CAMSAP1: variants seen among roughly 807,000 people sequenced by gnomAD.
The protein encoded by CAMSAP1 is calmodulin regulated spectrin associated protein 1, also known as calmodulin-regulated spectrin-associated protein 1.
Under a neutral mutation model 143.5 loss-of-function variants are expected in CAMSAP1, and 58 were observed. The ratio of observed to expected loss-of-function variants is 0.40; its 90% CI spans 0.33 to 0.50. The LOEUF (loss-of-function observed/expected upper bound fraction) is 0.50, where lower values mean the gene tolerates loss of function less well. Among genes scored for constraint, CAMSAP1 ranks in the 20% least tolerant of loss-of-function variants. The probability of loss-of-function intolerance (pLI) is 0.45; values close to 1 mark genes in which losing one functional copy is unlikely to be tolerated. For missense variants in CAMSAP1, 1,969 were observed against 2,115.7 expected (o/e 0.93, Z 1.36); for synonymous variants, 945 against 859.3 (o/e 1.10, Z -1.74).
rs924232620 is a variant in CAMSAP1 at position 135,809,358 on chromosome 9, C to T, written c.*1951G>A. 6.6e-6 allele frequency: 1 copy of T among 152,234 alleles called. No individual in the cohort carries two copies. Among genetic ancestry groups the T allele is most frequent in the East Asian group, 1.9e-4 (1 of 5,200 alleles). The allele number at this position is 152,234 out of a possible 1,614,324, so 9.4% of individuals were successfully genotyped here. On this transcript the variant is annotated 3_prime_UTR_variant, in exon 17 of 17. Coordinates refer to ENST00000389532, the MANE Select transcript of CAMSAP1 (RefSeq NM_015447.4). ...AGTTTCAGGATGTTCCACACACTGA[C>T]TCATTCCATGGAGAAAATCCAGAAT...
intron 3 of CAMSAP1, among the ~76,000 whole-genome samples, chr9:135,878,187 CAGG>C (rs1837815845): frequency 6.6e-6 from 1 of 152,194 alleles, no homozygotes; most frequent in Non-Finnish European, 1.5e-5. Flanking sequence ...GGACCCCGGC[CAGG>C]AGGAGACGGG....
intron 1 of CAMSAP1, among the ~76,000 whole-genome samples, chr9:135,886,406 A>C (rs1190627721): frequency 2.0e-5 from 3 of 152,072 alleles, no homozygotes; most frequent in Non-Finnish European, 4.4e-5. Context: ...GCAGGTGGAG[A>C]AGTTTCTTAG....
At position 135,822,773 on chromosome 9, in the gene CAMSAP1, C is replaced by T. The variant is rs773803824; in HGVS notation, c.1888G>A (p.Glu630Lys). The change falls in exon 11 of 17, where the codon GAG becomes AAG. Residue 630 changes from glutamate (E) to lysine (K), a missense_variant. By Grantham distance (56) the Glu-to-Lys change is moderately conservative. Transcript: ENST00000389532. The surrounding 1 kb of genome is among the most constrained non-coding windows in gnomAD (Gnocchi z 6.1). The stretch of plus-strand genomic sequence containing the variant: ...CTTCGTACCAAAGGCTGGGGGCCCT[C>T]GCTGGGCCTCCTAGACACGATGCTC... ...PRSIVSRRPS[E>K]GPQPLVRRKM... 6.8e-6 allele frequency: 11 copies of T among 1,613,670 alleles called. No individual in the cohort carries two copies. The highest frequency in any genetic ancestry group is 6.7e-5 in the East Asian group (3 of 44,860).
chr9:135,820,786 G>T lies in CAMSAP1; in HGVS notation c.3822+53C>A. On this transcript the variant is annotated intron_variant, in intron 11 of 16. Coordinates refer to ENST00000389532, the MANE Select transcript of CAMSAP1 (RefSeq NM_015447.4). This position sits in a 1 kb window ranked among gnomAD's most constrained non-coding sequence, Gnocchi z 4.4. ...TCTGTGTTCTCTAACTCACTATCAC[G>T]TGGGGTGGCAACACATCACGAGTGC... is the stretch of plus-strand genomic sequence containing the variant. 1 of 1,585,108 alleles carries T rather than the reference G, an allele frequency of 6.3e-7. No individual in the cohort carries two copies. Among genetic ancestry groups the T allele is most frequent in the East Asian group, 2.2e-5 (1 of 44,528 alleles).
At chr9:135,897,475 A>G (rs1277681139) in intron 1 of CAMSAP1, among the ~76,000 whole-genome samples, 3 of 152,200 alleles carry the variant, frequency 2.0e-5, no homozygotes, top group African/African-American at 7.2e-5. Flanking sequence ...TTACTGTACT[A>G]TACTCACACT....
intron 11 of CAMSAP1, among the ~76,000 whole-genome samples, 187 bp from the exon 12 acceptor site, chr9:135,819,333 G>A (rs1383291526): frequency 6.6e-6 from 1 of 152,150 alleles, no homozygotes; most frequent in African/African-American, 2.4e-5. Context: ...TTTCAAAGGC[G>A]CTCGGCATCA....
Position 135,822,650 on chromosome 9 carries a change from A to G in CAMSAP1, c.2011T>C (p.Ser671Pro), listed in dbSNP as rs1835520702. Residue 671 changes from serine (S) to proline (P), a missense_variant, in exon 11 of 17, where the codon TCA (serine) becomes CCA (proline). Ser to Pro is a moderately conservative substitution (Grantham distance 74). This residue lies in a region of CAMSAP1 where 1,390 missense variants were observed against 1,420.8 expected (regional missense o/e 0.98). Coordinates refer to ENST00000389532, the MANE Select transcript of CAMSAP1 (RefSeq NM_015447.4). This position sits in a 1 kb window ranked among gnomAD's most constrained non-coding sequence, Gnocchi z 6.1. ...CAGACCTCTCCTGCGGTTTCCACTG[A>G]CAGTGGTCCTGTCTCGGTGGGGTCG... ...GIDPTETGPLSVETAGEVCGG... is the reference protein window; with the variant it reads ...GIDPTETGPLPVETAGEVCGG... 6.2e-7 allele frequency: 1 copy of G among 1,608,352 alleles called. No homozygotes were observed. Among genetic ancestry groups the G allele is most frequent in the Non-Finnish European group, 8.5e-7 (1 of 1,176,808 alleles).
intron 4 of CAMSAP1, among the ~76,000 whole-genome samples, chr9:135,863,602 G>C (rs908295506): frequency 2.0e-5 from 3 of 152,184 alleles, no homozygotes; most frequent in African/African-American, 7.2e-5. Flanking sequence ...AGGTTGTTAT[G>C]TCAATAAGTA....
rs1835310835 is a variant in CAMSAP1, at chr9:135,818,188, G to A, written c.4169-109C>T. On this transcript the variant is annotated intron_variant, in intron 13 of 16. Transcript: ENST00000389532. The surrounding 1 kb of genome is among the most constrained non-coding windows in gnomAD (Gnocchi z 7.7). ...CGCCCTGCAGAGCTCGGCCACACAG[G>A]CCGCGTCCCCACCCCATCCCGGGGA... is the stretch of plus-strand genomic sequence containing the variant. The A allele has an allele frequency of 1.6e-6, 2 of 1,245,784 alleles. No homozygotes were observed. The highest frequency in any genetic ancestry group is 2.1e-5 in the Admixed American group (1 of 46,918). The allele number at this position is 1,245,784 out of a possible 1,614,324, so 77.2% of individuals were successfully genotyped here. A position where few individuals can be genotyped will look rare whatever the true frequency, so the allele number is the denominator to read the frequency against.
intron 7 of CAMSAP1, among the ~76,000 whole-genome samples, chr9:135,840,208 G>A (rs1489220285): frequency 6.6e-6 from 1 of 152,146 alleles, no homozygotes; most frequent in Non-Finnish European, 1.5e-5. Flanking sequence ...CCAACGGTTG[G>A]CAGTAGGACC....
chr9:135,860,048 A>T (rs993459297), intron 5 of CAMSAP1, among the ~76,000 whole-genome samples: 50 of 150,712 alleles, frequency 3.3e-4, no homozygotes, highest in Non-Finnish European at 5.2e-4. Context: ...CCACAAAAAA[A>T]AAAAAAATAA....
At chr9:135,860,017 C>T (rs1018653541) in intron 5 of CAMSAP1, among the ~76,000 whole-genome samples, 8 of 135,966 alleles carry the variant, frequency 5.9e-5, no homozygotes, top group African/African-American at 1.7e-4. Context: ...CCAGCCCAGG[C>T]AACATGGCAA....
At chr9:135,902,506 G>C (rs1464640305) in intron 1 of CAMSAP1, among the ~76,000 whole-genome samples, 3 of 152,170 alleles carry the variant, frequency 2.0e-5, no homozygotes, top group African/African-American at 7.2e-5. Flanking sequence ...AAGGGGCTCT[G>C]AGCACAGATT....
intron 7 of CAMSAP1, among the ~76,000 whole-genome samples, chr9:135,842,165 G>A (rs1341729077): frequency 3.3e-5 from 5 of 152,216 alleles, no homozygotes; most frequent in East Asian, 1.9e-4. Flanking sequence ...ATGACTTGAC[G>A]GAGCTGAAAA....
In CAMSAP1 at chr9:135,822,316, T is replaced by C. The variant is rs1835502459; in HGVS notation, c.2345A>G (p.His782Arg). The C allele has an allele frequency of 1.9e-6, 3 of 1,614,050 alleles. No individual in the cohort carries two copies. The highest frequency in any genetic ancestry group is 1.1e-5 in the South Asian group (1 of 91,090). Residue 782 changes from histidine to arginine, a missense_variant, in exon 11 of 17, where the codon CAT becomes CGT. By Grantham distance (29) the His-to-Arg change is conservative. Coordinates refer to ENST00000389532, the MANE Select transcript of CAMSAP1 (RefSeq NM_015447.4). The surrounding 1 kb of genome is among the most constrained non-coding windows in gnomAD (Gnocchi z 6.1). ...KLQEDMKVKE[H>R]EDKDDASGRS... is the part of the protein sequence containing the mutation. ...GCCGCTGGCGTCATCTTTGTCTTCATGTTCCTTCACCTTCATGTCCTCCTG... is the reference window on the plus strand; with the variant it reads ...GCCGCTGGCGTCATCTTTGTCTTCACGTTCCTTCACCTTCATGTCCTCCTG...
intron 7 of CAMSAP1, among the ~76,000 whole-genome samples, chr9:135,838,269 G>A (rs1260909438): frequency 1.7e-5 from 2 of 116,920 alleles, no homozygotes; most frequent in Admixed American, 2.0e-4. Flanking sequence ...ATGTCATCAC[G>A]CACTTTCTAC....
At chr9:135,875,248 C>G (rs547561764) in intron 3 of CAMSAP1, among the ~76,000 whole-genome samples, 2 of 148,350 alleles carry the variant, frequency 1.3e-5, no homozygotes, top group African/African-American at 5.0e-5. Context: ...TTACTCTTGT[C>G]GCCCAGGCTG....
chr9:135,877,909 C>G (rs1837807456), intron 3 of CAMSAP1, among the ~76,000 whole-genome samples: 1 of 152,176 alleles, frequency 6.6e-6, no homozygotes, highest in Non-Finnish European at 1.5e-5. Flanking sequence ...GGTGAAACTT[C>G]AGAGCACCCG....
At chr9:135,845,230 G>A (rs567127673) in intron 7 of CAMSAP1, among the ~76,000 whole-genome samples, 7 of 152,206 alleles carry the variant, frequency 4.6e-5, no homozygotes, top group East Asian at 1.9e-4. Flanking sequence ...ATCAATAAAC[G>A]TAATCCATCA....
Sources: gnomAD v4.1 joint callset for allele counts (sites outside exome capture counted in the v4.1 genomes callset) on GRCh38, gnomAD v4.1.1 for gene constraint, gnomAD v4.1.1 regional missense constraint, Gnocchi (gnomAD v3.1) non-coding constraint, MANE v1.5 for transcripts, NCBI Gene and HGNC (gene_info 2026-07-23, HGNC 2026-07-21) for gene names.